NDUFA9: variants seen among roughly 807,000 people sequenced by gnomAD.
NDUFA9 encodes the protein NADH:ubiquinone oxidoreductase subunit A9, also known as NADH dehydrogenase [ubiquinone] 1 alpha subcomplex subunit 9, mitochondrial.
NDUFA9 carries 23 observed loss-of-function variants against 45.9 expected under a neutral mutation model. The ratio of observed to expected loss-of-function variants is 0.50; its 90% CI spans 0.36 to 0.71. The LOEUF (loss-of-function observed/expected upper bound fraction) is 0.71, where lower values mean the gene tolerates loss of function less well. NDUFA9 is among the 30% of genes least tolerant of loss of function. The probability of loss-of-function intolerance (pLI) is 0.00; values close to 1 mark genes in which losing one functional copy is unlikely to be tolerated. For synonymous variants in NDUFA9, 176 were observed against 170.5 expected (o/e 1.03, Z -0.25); for missense variants, 466 against 488.2 (o/e 0.95, Z 0.43).
At chr12:4,686,857 G>T in intron 10 of NDUFA9, 81 bp from the exon 11 acceptor site, 1 of 1,361,636 alleles carries the variant, frequency 7.3e-7, no homozygotes. Context: ...ATGCCAGCTT[G>T]AATGTTTAAG....
rs1483121176 is a variant in NDUFA9, at chr12:4,693,580, C to T, written c.*6472C>T. The T allele has an allele frequency of 6.6e-6, 1 of 152,176 alleles. No individual in the cohort carries two copies. Among genetic ancestry groups the T allele is most frequent in the East Asian group, 1.9e-4 (1 of 5,200 alleles). 9.4% of individuals were successfully genotyped at this position (152,176 alleles called of 1,614,324 possible). A position where few individuals can be genotyped will look rare whatever the true frequency, so the allele number is the denominator to read the frequency against. The stretch of plus-strand genomic sequence containing the variant: ...ACAGATGTCTGGGCCTTCTTGACAG[C>T]AGGTGTTTAAAGCTGAATCTGGTTC... On this transcript the variant is annotated 3_prime_UTR_variant, in exon 11 of 11. Transcript: ENST00000266544.
chr12:4,679,643 T>G (rs575621254), intron 8 of NDUFA9, among the ~76,000 whole-genome samples: 1 of 152,228 alleles, frequency 6.6e-6, no homozygotes, highest in African/African-American at 2.4e-5. Flanking sequence ...ATTTGAACAT[T>G]AGGCAAAGGG....
intron 1 of NDUFA9, among the ~76,000 whole-genome samples, chr12:4,649,444 G>A (rs1945741594): frequency 6.6e-6 from 1 of 152,116 alleles, no homozygotes; most frequent in African/African-American, 2.4e-5. Flanking sequence ...TAGGGATCGA[G>A]AGAATCAGAA....
Position 4,654,844 on chromosome 12 carries a change from A to G in NDUFA9, c.240A>G (p.Val80=). The G allele has an allele frequency of 6.2e-7, 1 of 1,613,360 alleles. No homozygotes were observed. Residue 80 remains valine (V), a synonymous_variant, in exon 3 of 11, where the codon GTA becomes GTG. Coordinates refer to ENST00000266544, the MANE Select transcript of NDUFA9 (RefSeq NM_005002.5). ...VNHLGRMGSQ[V]IIPYRCDKYD... Reference sequence around the variant, plus strand: ...TTTTAGGACGCATGGGGTCACAGGTAATCATACCCTATCGGTGTGATAAAT... The same window carrying G: ...TTTTAGGACGCATGGGGTCACAGGTGATCATACCCTATCGGTGTGATAAAT...
chr12:4,657,483 A>C (rs1368651670), intron 3 of NDUFA9: 1 of 340,194 alleles, frequency 2.9e-6, no homozygotes, highest in Non-Finnish European at 5.4e-6. Flanking sequence ...TGCTCCATTA[A>C]AAATCAATAG....
chr12:4,680,034 G>A (rs539467098), intron 8 of NDUFA9, among the ~76,000 whole-genome samples: 13 of 152,332 alleles, frequency 8.5e-5, no homozygotes, highest in African/African-American at 2.6e-4. Flanking sequence ...GCAGATGCAG[G>A]TAGGTTTGGC....
At chr12:4,677,530 C>T (rs982734023) in intron 8 of NDUFA9, among the ~76,000 whole-genome samples, 1 of 152,166 alleles carries the variant, frequency 6.6e-6, no homozygotes, top group African/African-American at 2.4e-5. Context: ...TGCAGCTCAA[C>T]AAACATATGA....
intron 6 of NDUFA9, among the ~76,000 whole-genome samples, chr12:4,664,506 G>A (rs1319001770): frequency 6.6e-6 from 1 of 152,254 alleles, no homozygotes; most frequent in Admixed American, 6.5e-5. Flanking sequence ...TGGTTTCAAA[G>A]GATGGGGCCA....
At position 4,691,090 on chromosome 12, in the gene NDUFA9, ACTT is replaced by A. The variant is rs1946016514; in HGVS notation, c.*3986_*3988del. ...TTTGGCTTCGAATATGAGTTCCACTACTTCTTAGTTGTGAGATTGGACAAGTCA... is the reference window on the plus strand; with the variant it reads ...TTTGGCTTCGAATATGAGTTCCACTACTTAGTTGTGAGATTGGACAAGTCA... On this transcript the variant is annotated 3_prime_UTR_variant, in exon 11 of 11. Transcript: ENST00000266544. 1 of 152,296 alleles carries A rather than the reference ACTT, an allele frequency of 6.6e-6. No homozygotes were observed. The highest frequency in any genetic ancestry group is 1.5e-5 in the Non-Finnish European group (1 of 68,038). The allele number at this position is 152,296 out of a possible 1,614,324, so 9.4% of individuals were successfully genotyped here. A position where few individuals can be genotyped will look rare whatever the true frequency, so the allele number is the denominator to read the frequency against.
At chr12:4,666,197 TC>T (rs1945852454) in intron 6 of NDUFA9, among the ~76,000 whole-genome samples, 1 of 152,246 alleles carries the variant, frequency 6.6e-6, no homozygotes, top group African/African-American at 2.4e-5. Context: ...TGGAGAAATG[TC>T]TGTTCATGTC....
intron 8 of NDUFA9, among the ~76,000 whole-genome samples, chr12:4,670,201 G>A (rs569875195): frequency 1.6e-4 from 24 of 152,260 alleles, no homozygotes; most frequent in Admixed American, 1.6e-3. Context: ...TGCCTCCAGA[G>A]GCTGAAAAAC....
chr12:4,682,026 T>C (rs987950595), intron 8 of NDUFA9, among the ~76,000 whole-genome samples, 179 bp from the exon 9 acceptor site: 1 of 152,216 alleles, frequency 6.6e-6, no homozygotes, highest in Admixed American at 6.5e-5. Flanking sequence ...GAGAAGGATA[T>C]AGATCAAATA....
chr12:4,673,647 GA>G (rs1369104930), intron 8 of NDUFA9, among the ~76,000 whole-genome samples: 1 of 152,064 alleles, frequency 6.6e-6, no homozygotes, highest in Non-Finnish European at 1.5e-5. Context: ...GAAAAGAAAT[GA>G]ACAAAACTTC....
At chr12:4,682,099 A>T in intron 8 of NDUFA9, 106 bp from the exon 9 acceptor site, 1 of 723,648 alleles carries the variant, frequency 1.4e-6, no homozygotes, top group Non-Finnish European at 2.3e-6. Context: ...TGTATCTACT[A>T]CAGTGCATAT....
At chr12:4,649,622 A>G (rs2270134) in intron 1 of NDUFA9, among the ~76,000 whole-genome samples, 65,734 of 152,044 alleles carry the variant, frequency 0.43, 16,606 homozygotes, top group Admixed American at 0.54. Flanking sequence ...GCACAATGGA[A>G]ATGATAATAT....
At chr12:4,666,927 G>T (rs979533241) in intron 6 of NDUFA9, among the ~76,000 whole-genome samples, 2 of 152,164 alleles carry the variant, frequency 1.3e-5, no homozygotes, top group African/African-American at 2.4e-5. Flanking sequence ...AAGCCATTGG[G>T]ATTTTGATAG....
chr12:4,668,408 A>C (rs750185999), intron 6 of NDUFA9, 49 bp from the exon 7 acceptor site: 1 of 1,392,556 alleles, frequency 7.2e-7, no homozygotes, highest in Non-Finnish European at 1.0e-6. Context: ...GTTGGATCTT[A>C]CAGCAATTTA....
At chr12:4,664,469 G>T (rs911779918) in intron 6 of NDUFA9, among the ~76,000 whole-genome samples, 1 of 152,244 alleles carries the variant, frequency 6.6e-6, no homozygotes, top group Non-Finnish European at 1.5e-5. Flanking sequence ...CCCAAAAGGG[G>T]TTCAGAGATG....
chr12:4,664,489 A>C (rs1038865265), intron 6 of NDUFA9, among the ~76,000 whole-genome samples: 1 of 152,264 alleles, frequency 6.6e-6, no homozygotes, highest in Non-Finnish European at 1.5e-5. Context: ...GTTTAGAACT[A>C]TCTCTTTGGT....
Sources: gnomAD v4.1 joint callset for allele counts (sites outside exome capture counted in the v4.1 genomes callset) on GRCh38, gnomAD v4.1.1 for gene constraint, MANE v1.5 for transcripts, NCBI Gene and HGNC (gene_info 2026-07-23, HGNC 2026-07-21) for gene names.